The following EIF4EBP2 variants were observed in gnomAD, a reference collection of about 807,000 sequenced individuals.
EIF4EBP2 encodes eukaryotic translation initiation factor 4E-binding protein 2.
EIF4EBP2 carries 5 observed loss-of-function variants against 10.3 expected under a neutral mutation model. That is an observed-to-expected ratio of 0.48 (90% CI 0.25 to 1.02). The LOEUF is 1.02. Ranked by LOEUF, EIF4EBP2 falls within the 50% of genes least tolerant of loss-of-function variation. The pLI is 0.15. For synonymous variants in EIF4EBP2, 67 were observed against 61.1 expected (o/e 1.10, Z -0.45); for missense variants, 188 against 162.2 (o/e 1.16, Z -0.86).
rs954109740 is a variant in EIF4EBP2, at chr10:70,425,889, C to T, written c.*4142C>T. ...TGAAATAGATGATGTTATCAGGAAG[C>T]CAGGTTCCCACCAGAGTCGGTGCTT... On this transcript the variant is annotated 3_prime_UTR_variant, in exon 3 of 3. Coordinates refer to ENST00000373218, the MANE Select transcript of EIF4EBP2 (RefSeq NM_004096.5). 2.6e-5 allele frequency: 4 copies of T among 152,226 alleles called. No homozygotes were observed. Among genetic ancestry groups the T allele is most frequent in the Non-Finnish European group, 5.9e-5 (4 of 68,042 alleles). 9.4% of individuals were successfully genotyped at this position (152,226 alleles called of 1,614,324 possible).
rs1455134681 is a variant in EIF4EBP2, at chr10:70,420,691, TC to T, written c.331+594del. ...CTCTTTGAACCATGCCTTAAGGACT[TC>T]CTGGCCTAGGCTTCATTGGACTAAG... On this transcript the variant is annotated intron_variant, in intron 2 of 2. Transcript: ENST00000373218. 3.3e-5 allele frequency among the ~76,000 whole-genome samples: 5 copies of T among 152,334 alleles called. No homozygotes were observed. The South Asian group carries it at 6.2e-4, about 19-fold the overall frequency.
At chr10:70,416,964 C>G (rs1443316455) in intron 1 of EIF4EBP2, among the ~76,000 whole-genome samples, 1 of 152,056 alleles carries the variant, frequency 6.6e-6, no homozygotes, top group East Asian at 1.9e-4. Context: ...CTGGCTAATT[C>G]CACTTTTTTA....
In EIF4EBP2 at chr10:70,424,301, C is replaced by G. The variant is rs182849285; in HGVS notation, c.*2554C>G. ...TGGGAGTGTCAGCTGTATAATGCAGCAGCTGTTCAATCCCTTACCCTTCTC... is the reference window on the plus strand; with the variant it reads ...TGGGAGTGTCAGCTGTATAATGCAGGAGCTGTTCAATCCCTTACCCTTCTC... On this transcript the variant is annotated 3_prime_UTR_variant, in exon 3 of 3. Coordinates refer to ENST00000373218, the MANE Select transcript of EIF4EBP2 (RefSeq NM_004096.5). 1 of 152,316 alleles carries G rather than the reference C, an allele frequency of 6.6e-6. No individual in the cohort carries two copies. Among genetic ancestry groups the G allele is most frequent in the Non-Finnish European group, 1.5e-5 (1 of 68,026 alleles). 9.4% of individuals were successfully genotyped at this position (152,316 alleles called of 1,614,324 possible). A position where few individuals can be genotyped will look rare whatever the true frequency, so the allele number is the denominator to read the frequency against.
intron 1 of EIF4EBP2, among the ~76,000 whole-genome samples, chr10:70,415,658 A>G (rs1203825044): frequency 6.6e-6 from 1 of 152,262 alleles, no homozygotes; most frequent in African/African-American, 2.4e-5. Context: ...AAGGGTGCCA[A>G]GACAATTCTG....
In EIF4EBP2 at chr10:70,405,504, T is replaced by C. The variant is rs533084024; in HGVS notation, c.145+958T>C. On this transcript the variant is annotated intron_variant, in intron 1 of 2. Transcript: ENST00000373218. ...AGAGGGAGGAGCCTGGAAAGCGATT[T>C]TGAGGAGCCTTATTGAAGGGAACGG... Among the ~76,000 whole-genome samples the C allele has an allele frequency of 1.1e-4, 16 of 152,326 alleles. No homozygotes were observed. In the East Asian group the frequency reaches 3.1e-3, roughly 29 times the overall value.
At position 70,420,104 on chromosome 10, in the gene EIF4EBP2, G is replaced by T; in HGVS notation, c.331+5G>T. On this transcript the variant is annotated splice_donor_5th_base_variant and intron_variant, in intron 2 of 2. Coordinates refer to ENST00000373218, the MANE Select transcript of EIF4EBP2 (RefSeq NM_004096.5). ...ACGACAGGAAACATGCAGTTGGTAA[G>T]AGAATGGCGATGTTGGAGACCTAGA... The T allele has an allele frequency of 6.3e-7, 1 of 1,596,358 alleles. No individual in the cohort carries two copies. The highest frequency in any genetic ancestry group is 2.3e-5 in the East Asian group (1 of 44,122).
rs532735494 is a variant in EIF4EBP2 at position 70,420,331 on chromosome 10, C to T, written c.331+232C>T. Among the ~76,000 whole-genome samples, 31 of 152,242 alleles carry T rather than the reference C, an allele frequency of 2.0e-4. No homozygotes were observed. The South Asian group carries it at 5.0e-3, about 24-fold the overall frequency. On this transcript the variant is annotated intron_variant, in intron 2 of 2. Coordinates refer to ENST00000373218, the MANE Select transcript of EIF4EBP2 (RefSeq NM_004096.5). ...TCTCCTGCCTCAGCCTCCCGAGTAG[C>T]GGGGATTACAGGCGCCTGCCACCAC...
chr10:70,409,271 C>G (rs1366330835), intron 1 of EIF4EBP2, among the ~76,000 whole-genome samples: 1 of 151,648 alleles, frequency 6.6e-6, no homozygotes, highest in Non-Finnish European at 1.5e-5. Flanking sequence ...TTTTGTTGGG[C>G]AAATTCCAGG....
intron 1 of EIF4EBP2, among the ~76,000 whole-genome samples, chr10:70,412,080 C>T (rs1181314351): frequency 6.6e-6 from 1 of 152,112 alleles, no homozygotes; most frequent in Non-Finnish European, 1.5e-5. Flanking sequence ...GTCATAGTTT[C>T]CCCAGTGTTT....
chr10:70,424,267 A>G lies in EIF4EBP2; in HGVS notation c.*2520A>G, dbSNP rs1363491366. ...CCCCCTAATCAGAAGGCATGTTTTTAGTATTTCTTGGGAGTGTCAGCTGTA... is the reference window on the plus strand; with the variant it reads ...CCCCCTAATCAGAAGGCATGTTTTTGGTATTTCTTGGGAGTGTCAGCTGTA... On this transcript the variant is annotated 3_prime_UTR_variant, in exon 3 of 3. Coordinates refer to ENST00000373218, the MANE Select transcript of EIF4EBP2 (RefSeq NM_004096.5). 6.6e-6 allele frequency: 1 copy of G among 152,126 alleles called. No individual in the cohort carries two copies. Among genetic ancestry groups the G allele is most frequent in the Non-Finnish European group, 1.5e-5 (1 of 68,020 alleles). 9.4% of individuals were successfully genotyped at this position (152,126 alleles called of 1,614,324 possible). A position where few individuals can be genotyped will look rare whatever the true frequency, so the allele number is the denominator to read the frequency against.
In EIF4EBP2 at chr10:70,404,493, C is replaced by G; in HGVS notation, c.92C>G (p.Pro31Arg). The G allele has an allele frequency of 1.3e-6, 2 of 1,599,636 alleles. No individual in the cohort carries two copies. The highest frequency in any genetic ancestry group is 1.7e-6 in the Non-Finnish European group (2 of 1,175,276). The change falls in exon 1 of 3, where the codon CCT (proline) becomes CGT (arginine). Residue 31 changes from proline to arginine, a missense_variant. Physicochemically the swap from Pro to Arg is moderately radical, Grantham distance 103. Coordinates refer to ENST00000373218, the MANE Select transcript of EIF4EBP2 (RefSeq NM_004096.5). ...TVAISDAAQL[P>R]HDYCTTPGGT... ...GCCATCAGCGACGCCGCGCAGCTAC[C>G]TCATGACTATTGCACCACGCCCGGG...
rs543259120 is a variant in EIF4EBP2, at chr10:70,424,137, G to A, written c.*2390G>A. The stretch of plus-strand genomic sequence containing the variant: ...TCTTTATTGCTATGTGTGAAAACTT[G>A]GCTTCCTCACTGAACGGTGAGGAAT... On this transcript the variant is annotated 3_prime_UTR_variant, in exon 3 of 3. Transcript: ENST00000373218. 3 of 152,106 alleles carry A rather than the reference G, an allele frequency of 2.0e-5. No individual in the cohort carries two copies. Among genetic ancestry groups the A allele is most frequent in the African/African-American group, 7.2e-5 (3 of 41,404 alleles). 9.4% of individuals were successfully genotyped at this position (152,106 alleles called of 1,614,324 possible). A position where few individuals can be genotyped will look rare whatever the true frequency, so the allele number is the denominator to read the frequency against.
intron 2 of EIF4EBP2, 59 bp from the exon 3 acceptor site, chr10:70,421,652 CAGTTA>C: frequency 7.0e-7 from 1 of 1,422,368 alleles, no homozygotes; most frequent in Non-Finnish European, 9.9e-7. Context: ...GAGGGAATGA[CAGTTA>C]AAACTGTTAT....
intron 1 of EIF4EBP2, among the ~76,000 whole-genome samples, chr10:70,417,177 G>T (rs7921439): frequency 3.3e-5 from 5 of 152,234 alleles, no homozygotes; most frequent in Admixed American, 2.0e-4. Context: ...AAAGAAATGA[G>T]GTACTGATAA....
intron 1 of EIF4EBP2, among the ~76,000 whole-genome samples, chr10:70,405,537 T>A (rs990613525): frequency 4.6e-5 from 7 of 152,210 alleles, no homozygotes; most frequent in Non-Finnish European, 8.8e-5. Flanking sequence ...CGGGGCCTCC[T>A]TTTTAACTTC....
chr10:70,426,955 C>T lies in EIF4EBP2; in HGVS notation c.*5208C>T, dbSNP rs777881024. On this transcript the variant is annotated 3_prime_UTR_variant, in exon 3 of 3. Coordinates refer to ENST00000373218, the MANE Select transcript of EIF4EBP2 (RefSeq NM_004096.5). ...GCCAGTATACATAGAGGAACTGCTT[C>T]GAATCAAGGCAACTGGTGAAGGGCT... The T allele has an allele frequency of 6.6e-6, 1 of 152,252 alleles. No individual in the cohort carries two copies. The highest frequency in any genetic ancestry group is 2.4e-5 in the African/African-American group (1 of 41,418). 9.4% of individuals were successfully genotyped at this position (152,252 alleles called of 1,614,324 possible). A position where few individuals can be genotyped will look rare whatever the true frequency, so the allele number is the denominator to read the frequency against.
In EIF4EBP2 at chr10:70,407,241, C is replaced by T. The variant is rs1844976230; in HGVS notation, c.145+2695C>T. ...CAAGTGAACAAAGGTCTCTGGTTTT[C>T]CTAGGCAGAGGACCCTGTGGCCTTC... On this transcript the variant is annotated intron_variant, in intron 1 of 2. Coordinates refer to ENST00000373218, the MANE Select transcript of EIF4EBP2 (RefSeq NM_004096.5). 2.0e-5 allele frequency among the ~76,000 whole-genome samples: 3 copies of T among 151,728 alleles called. 1 individual carries two copies. In the South Asian group the frequency reaches 6.2e-4, roughly 32 times the overall value.
chr10:70,408,013 C>T (rs1393913243), intron 1 of EIF4EBP2, among the ~76,000 whole-genome samples: 50 of 52,930 alleles, frequency 9.4e-4, no homozygotes, highest in East Asian at 1.2e-3. Flanking sequence ...CCGGACGGGG[C>T]GGCTGGCCGG....
At chr10:70,416,729 A>G (rs909121501) in intron 1 of EIF4EBP2, among the ~76,000 whole-genome samples, 5 of 148,754 alleles carry the variant, frequency 3.4e-5, no homozygotes, top group South Asian at 2.1e-4. Flanking sequence ...CAGTGGTGCA[A>G]TCATGGCTCA....
Sources: allele counts gnomAD v4.1 joint callset (sites outside exome capture counted in the v4.1 genomes callset), GRCh38; gene constraint gnomAD v4.1.1; transcripts MANE v1.5; gene names NCBI Gene and HGNC (gene_info 2026-07-23, HGNC 2026-07-21).